The following MAT2B variants were observed in gnomAD, a reference collection of about 807,000 sequenced individuals.
The protein encoded by MAT2B is methionine adenosyltransferase 2 subunit beta.
A neutral mutation model predicts 36.1 loss-of-function variants in MAT2B; 16 were observed. That is an observed-to-expected ratio of 0.44 (90% CI 0.30 to 0.67). The LOEUF is 0.67. MAT2B is among the 30% of genes least tolerant of loss of function. The pLI, the probability that MAT2B is intolerant of heterozygous loss-of-function variation, is 0.09. For synonymous variants in MAT2B, 148 were observed against 136.9 expected, an observed-to-expected ratio of 1.08 and a Z score of -0.57; for missense variants, 332 against 398.2, an observed-to-expected ratio of 0.83 and a Z score of 1.42.
chr5:163,516,921 A>C lies in MAT2B; in HGVS notation c.720+210A>C. The C allele has an allele frequency of 6.7e-6, 4 of 596,446 alleles. No homozygotes were observed. The South Asian group carries it at 8.4e-5, about 13-fold the overall frequency. 36.9% of individuals were successfully genotyped at this position (596,446 alleles called of 1,614,324 possible). On this transcript the variant is annotated intron_variant, in intron 5 of 6. Coordinates refer to ENST00000321757, the MANE Select transcript of MAT2B (RefSeq NM_013283.5). ...TTCTGTTTGAATTTATTTCTTATGT[A>C]CTATAGATCCCATCATTTCTTTTAT...
At chr5:163,508,680 C>A (rs575372328) in intron 1 of MAT2B, among the ~76,000 whole-genome samples, 2 of 151,542 alleles carry the variant, frequency 1.3e-5, no homozygotes, top group Non-Finnish European at 2.9e-5. Context: ...TGCAGTTGTG[C>A]GATCTCGGCT....
At chr5:163,511,924 A>G in intron 1 of MAT2B, 78 bp from the exon 2 acceptor site, 1 of 1,044,538 alleles carries the variant, frequency 9.6e-7, no homozygotes, top group Non-Finnish European at 1.4e-6. Context: ...ACATTTAGGG[A>G]ACAACGATGG....
chr5:163,508,949 C>G (rs759263002), intron 1 of MAT2B, among the ~76,000 whole-genome samples: 12 of 152,068 alleles, frequency 7.9e-5, no homozygotes, highest in Non-Finnish European at 5.9e-5. Context: ...TACATAGTAA[C>G]CCAGGGGTAT....
In MAT2B at chr5:163,515,430, T is replaced by G. The variant is rs7722729; in HGVS notation, c.527-1088T>G. On this transcript the variant is annotated intron_variant, in intron 4 of 6. Transcript: ENST00000321757. Reference sequence around the variant, plus strand: ...TGCTTTTGCCAGACCCATTGATAATTAGTTGAATTTCATCTCCAAATACTT... The same window carrying G: ...TGCTTTTGCCAGACCCATTGATAATGAGTTGAATTTCATCTCCAAATACTT... Among the ~76,000 whole-genome samples, 23 of 152,200 alleles carry G rather than the reference T, an allele frequency of 1.5e-4. 1 individual carries two copies. Among genetic ancestry groups the G allele is most frequent in the African/African-American group, 5.5e-4 (23 of 41,518 alleles).
At chr5:163,505,573 G>A, upstream of MAT2B, 2 of 1,246,680 alleles carry the variant, frequency 1.6e-6, no homozygotes, top group South Asian at 8.2e-5. Flanking sequence ...AGCGGCGAGC[G>A]GGGTCGTTCT....
upstream of MAT2B, chr5:163,503,462 G>GT (rs763629388): frequency 6.3e-7 from 1 of 1,591,772 alleles, no homozygotes; most frequent in Non-Finnish European, 8.6e-7. Flanking sequence ...GCATTCTAGA[G>GT]TAAGAGATGC....
In MAT2B at chr5:163,518,749, TTGTG is replaced by T. The variant is rs1037896013; in HGVS notation, c.*389_*392del. 1 of 155,044 alleles carries T rather than the reference TTGTG, an allele frequency of 6.4e-6. No individual in the cohort carries two copies. Among genetic ancestry groups the T allele is most frequent in the African/African-American group, 2.4e-5 (1 of 41,558 alleles). The allele number at this position is 155,044 out of a possible 1,614,324, so 9.6% of individuals were successfully genotyped here. A position where few individuals can be genotyped will look rare whatever the true frequency, so the allele number is the denominator to read the frequency against. On this transcript the variant is annotated 3_prime_UTR_variant, in exon 7 of 7. Transcript: ENST00000321757. The stretch of plus-strand genomic sequence containing the variant: ...ACCTTTTCATGTTGATTATTTTAAA[TTGTG>T]TGAAATAGTATAAAAATCATTGGTG...
upstream of MAT2B, chr5:163,505,540 C>G (rs1211157719): frequency 8.0e-7 from 1 of 1,243,036 alleles, no homozygotes; most frequent in African/African-American, 1.6e-5. Flanking sequence ...TCAACGGGCG[C>G]GGCTATGGCA....
At chr5:163,504,841 G>A (rs1011024863), upstream of MAT2B, among the ~76,000 whole-genome samples, 1 of 152,062 alleles carries the variant, frequency 6.6e-6, no homozygotes, top group African/African-American at 2.4e-5. Flanking sequence ...ACCAAGGCTG[G>A]GCTCGTGTGG....
intron 1 of MAT2B, among the ~76,000 whole-genome samples, chr5:163,511,789 C>T (rs765686452): frequency 4.8e-4 from 73 of 152,214 alleles, no homozygotes; most frequent in African/African-American, 1.5e-3. Context: ...CTGGGCTCAG[C>T]GGAGCTGCCT....
At chr5:163,503,252 T>C (rs959397963), upstream of MAT2B, 8 of 689,624 alleles carry the variant, frequency 1.2e-5, no homozygotes, top group Non-Finnish European at 1.8e-5. Flanking sequence ...ATCAAAATGC[T>C]AATTTAAAAG....
At chr5:163,511,923 G>A in intron 1 of MAT2B, 79 bp from the exon 2 acceptor site, 2 of 1,036,656 alleles carry the variant, frequency 1.9e-6, no homozygotes, top group East Asian at 2.6e-5. Flanking sequence ...GACATTTAGG[G>A]AACAACGATG....
In MAT2B at chr5:163,513,925, C is replaced by G. The variant is rs771185933; in HGVS notation, c.457C>G (p.Pro153Ala). ...TNPPYREEDI[P>A]APLNLYGKTK... ...TCCACCTTACAGAGAGGAAGACATA[C>G]CAGCTCCCCTAAATTTGTATGGCAA... The change falls in exon 4 of 7, where the codon CCA (proline) becomes GCA (alanine). Residue 153 changes from proline (P) to alanine (A), a missense_variant. Coordinates refer to ENST00000321757, the MANE Select transcript of MAT2B (RefSeq NM_013283.5). 6.2e-7 allele frequency: 1 copy of G among 1,613,308 alleles called. No homozygotes were observed. Among genetic ancestry groups the G allele is most frequent in the Non-Finnish European group, 8.5e-7 (1 of 1,179,602 alleles).
rs992788276 is a variant in MAT2B at position 163,507,873 on chromosome 5, C to T, written c.63+2124C>T. On this transcript the variant is annotated intron_variant, in intron 1 of 6. Coordinates refer to ENST00000321757, the MANE Select transcript of MAT2B (RefSeq NM_013283.5). ...GGAAAAGTTACCTTATTTAAGTAAA[C>T]GAAACTATTCGGACTCCTCGTGGTA... Among the ~76,000 whole-genome samples the T allele has an allele frequency of 3.3e-5, 5 of 152,072 alleles. No individual in the cohort carries two copies. In the East Asian group the frequency reaches 7.7e-4, roughly 23 times the overall value.
chr5:163,509,373 G>A (rs1480569571), intron 1 of MAT2B, among the ~76,000 whole-genome samples: 1 of 152,150 alleles, frequency 6.6e-6, no homozygotes, highest in Non-Finnish European at 1.5e-5. Context: ...TAAGAGAAAC[G>A]GATTGTTATG....
chr5:163,510,486 C>G (rs1760019849), intron 1 of MAT2B, among the ~76,000 whole-genome samples: 1 of 150,722 alleles, frequency 6.6e-6, no homozygotes, highest in Admixed American at 6.6e-5. Context: ...ACCTCCGCCT[C>G]CTGGGTTCAA....
chr5:163,512,416 G>C, intron 2 of MAT2B: 1 of 569,316 alleles, frequency 1.8e-6, no homozygotes, highest in African/African-American at 1.9e-5. Context: ...TTTATAAAAT[G>C]CTTATGTTTA....
At chr5:163,506,564 G>C (rs1229913228) in intron 1 of MAT2B, among the ~76,000 whole-genome samples, 1 of 152,220 alleles carries the variant, frequency 6.6e-6, no homozygotes, top group Non-Finnish European at 1.5e-5. Context: ...CTTTTGGAGA[G>C]AGTAGAGAAT....
At chr5:163,507,967 A>G (rs900037655) in intron 1 of MAT2B, among the ~76,000 whole-genome samples, 1 of 152,230 alleles carries the variant, frequency 6.6e-6, no homozygotes, top group Non-Finnish European at 1.5e-5. Context: ...TTTTGTCTAA[A>G]TGCCTTCCCC....
Sources: gnomAD v4.1 joint callset for allele counts (sites outside exome capture counted in the v4.1 genomes callset) on GRCh38, gnomAD v4.1.1 for gene constraint, MANE v1.5 for transcripts, NCBI Gene and HGNC (gene_info 2026-07-23, HGNC 2026-07-21) for gene names.